WWOX: variants seen among roughly 807,000 people sequenced by gnomAD.
The protein encoded by WWOX is WW domain containing oxidoreductase.
In WWOX, 69 loss-of-function variants were observed where a neutral mutation model predicts 46.2. The observed-to-expected ratio is 1.49, with a 90% confidence interval of 1.23 to 1.82. The LOEUF (loss-of-function observed/expected upper bound fraction) is 1.82. Among genes scored for constraint, WWOX ranks in the 40% most tolerant of loss-of-function variants. The pLI is 0.00. For synonymous variants in WWOX, 359 were observed against 202.6 expected (o/e 1.77, Z -6.56); for missense variants, 919 against 542.6 (o/e 1.69, Z -6.89).
intron 5 of WWOX, among the ~76,000 whole-genome samples, chr16:78,311,621 A>C (rs2080245738): frequency 6.6e-6 from 1 of 152,218 alleles, no homozygotes; most frequent in African/African-American, 2.4e-5. Context: ...GGGCCTAAAG[A>C]ATCCAGACTC....
Position 78,724,203 on chromosome 16 carries a change from C to G in WWOX, c.1056+291451C>G, listed in dbSNP as rs553594102. ...CGTCATTTATAACCTGTAATTAAATCTTTAGTGAGTACCTGTCACAGGTTG... is the reference window on the plus strand; with the variant it reads ...CGTCATTTATAACCTGTAATTAAATGTTTAGTGAGTACCTGTCACAGGTTG... On this transcript the variant is annotated intron_variant, in intron 8 of 8. Coordinates refer to ENST00000566780, the MANE Select transcript of WWOX (RefSeq NM_016373.4). 3.9e-5 allele frequency among the ~76,000 whole-genome samples: 6 copies of G among 152,246 alleles called. No individual in the cohort carries two copies. In the South Asian group the frequency reaches 1.0e-3, roughly 26 times the overall value.
chr16:78,832,805 C>CTG (rs959945992), intron 8 of WWOX, among the ~76,000 whole-genome samples: 31 of 152,282 alleles, frequency 2.0e-4, no homozygotes, highest in Admixed American at 1.8e-3. Context: ...TGAGCTTCTT[C>CTG]TGTGATATTC....
chr16:78,389,807 G>A (rs951318985), intron 6 of WWOX, among the ~76,000 whole-genome samples: 1 of 152,136 alleles, frequency 6.6e-6, no homozygotes, highest in African/African-American at 2.4e-5. Context: ...CTGAAGTGCA[G>A]TGGTGCAATC....
At chr16:78,799,460 A>G (rs1032598955) in intron 8 of WWOX, among the ~76,000 whole-genome samples, 1 of 152,194 alleles carries the variant, frequency 6.6e-6, no homozygotes, top group Non-Finnish European at 1.5e-5. Flanking sequence ...CTCACCAGGG[A>G]TAGAGTCTCA....
At chr16:79,134,607 A>G (rs2049946959) in intron 8 of WWOX, among the ~76,000 whole-genome samples, 3 of 152,184 alleles carry the variant, frequency 2.0e-5, no homozygotes, top group Admixed American at 2.0e-4. Context: ...GCAGACACAT[A>G]CAGACACCCA....
intron 5 of WWOX, among the ~76,000 whole-genome samples, chr16:78,179,981 G>A (rs1188676707): frequency 6.6e-6 from 1 of 152,172 alleles, no homozygotes; most frequent in African/African-American, 2.4e-5. Context: ...GGACAGATCG[G>A]CTGGTTAGTT....
At chr16:78,804,026 C>G (rs1291349518) in intron 8 of WWOX, among the ~76,000 whole-genome samples, 2 of 152,110 alleles carry the variant, frequency 1.3e-5, no homozygotes, top group Non-Finnish European at 2.9e-5. Context: ...AGCCCCATCA[C>G]TATGAGATGG....
chr16:79,079,362 T>A (rs1410323147), intron 8 of WWOX, among the ~76,000 whole-genome samples: 1 of 152,118 alleles, frequency 6.6e-6, no homozygotes, highest in Non-Finnish European at 1.5e-5. Context: ...AAAAAAAATA[T>A]GACAGAAGTG....
intron 8 of WWOX, among the ~76,000 whole-genome samples, chr16:78,984,242 T>G (rs2046741433): frequency 6.6e-6 from 1 of 152,174 alleles, no homozygotes. Context: ...CATACCCCTG[T>G]ACATGTTTGC....
Position 78,913,446 on chromosome 16 carries a change from C to T in WWOX, c.1057-298162C>T, listed in dbSNP as rs184172179. On this transcript the variant is annotated intron_variant, in intron 8 of 8. Transcript: ENST00000566780. ...AACCTGTCTTGCAAAACCCTCACGG[C>T]TCTTTCCCCTGCAGTCTTGATGTGA... is the stretch of plus-strand genomic sequence containing the variant. Among the ~76,000 whole-genome samples, 288 of 152,082 alleles carry T rather than the reference C, an allele frequency of 1.9e-3. 6 individuals carry two copies. Among genetic ancestry groups the T allele is most frequent in the Admixed American group, 6.4e-3 (97 of 15,264 alleles).
chr16:78,363,061 C>G (rs967725319), intron 5 of WWOX, among the ~76,000 whole-genome samples: 2 of 152,034 alleles, frequency 1.3e-5, no homozygotes. Context: ...TACCCACACC[C>G]GTATTCCACC....
At chr16:78,638,327 C>T (rs777113412) in intron 8 of WWOX, among the ~76,000 whole-genome samples, 6 of 152,162 alleles carry the variant, frequency 3.9e-5, no homozygotes, top group Non-Finnish European at 7.4e-5. Context: ...TGTGTTTGTT[C>T]TTTAAACCTC....
intron 6 of WWOX, among the ~76,000 whole-genome samples, chr16:78,401,911 G>A (rs1427212118): frequency 6.6e-6 from 1 of 152,086 alleles, no homozygotes. Context: ...TGTTGGTTAA[G>A]CTGGTCTCAA....
At chr16:78,785,116 A>G (rs2050423030) in intron 8 of WWOX, among the ~76,000 whole-genome samples, 1 of 152,234 alleles carries the variant, frequency 6.6e-6, no homozygotes, top group Middle Eastern at 3.2e-3. Context: ...CCATAAAAAT[A>G]ATTCAATACT....
At chr16:78,971,039 C>G (rs1408130167) in intron 8 of WWOX, among the ~76,000 whole-genome samples, 1 of 151,840 alleles carries the variant, frequency 6.6e-6, no homozygotes, top group Admixed American at 6.6e-5. Flanking sequence ...GAGCTCCTCA[C>G]TCTGTTTCCC....
At chr16:78,482,457 A>G (rs1311450766) in intron 8 of WWOX, among the ~76,000 whole-genome samples, 1 of 152,176 alleles carries the variant, frequency 6.6e-6, no homozygotes, top group Non-Finnish European at 1.5e-5. Flanking sequence ...TCCTCACTTC[A>G]GGTGATCTGA....
intron 1 of WWOX, among the ~76,000 whole-genome samples, chr16:78,108,168 T>A (rs545967600): frequency 6.6e-6 from 1 of 151,318 alleles, no homozygotes; most frequent in African/African-American, 2.4e-5. Context: ...CCTTGTGATC[T>A]GCTCCCCTAG....
chr16:78,501,523 T>C (rs1229457185), intron 8 of WWOX, among the ~76,000 whole-genome samples: 1 of 151,742 alleles, frequency 6.6e-6, no homozygotes, highest in African/African-American at 2.4e-5. Context: ...TAGAACCACC[T>C]GAGAAGTTCT....
At chr16:78,637,558 G>A (rs557797190) in intron 8 of WWOX, among the ~76,000 whole-genome samples, 1 of 152,178 alleles carries the variant, frequency 6.6e-6, no homozygotes, top group Non-Finnish European at 1.5e-5. Flanking sequence ...TGGAAATTCG[G>A]TTGCTTTGGA....
Sources: allele counts gnomAD v4.1 joint callset (sites outside exome capture counted in the v4.1 genomes callset), GRCh38; gene constraint gnomAD v4.1.1; transcripts MANE v1.5; gene names NCBI Gene and HGNC (gene_info 2026-07-23, HGNC 2026-07-21).